The following PLCXD2 variants were observed in gnomAD, a reference collection of about 807,000 sequenced individuals.
PLCXD2 encodes PI-PLC X domain-containing protein 2.
PLCXD2 carries 21 observed loss-of-function variants against 28.6 expected under a neutral mutation model. That is an observed-to-expected ratio of 0.73 (90% CI 0.52 to 1.06). The LOEUF is 1.06. Ranked by LOEUF, PLCXD2 falls within the 50% of genes least tolerant of loss-of-function variation. The pLI, the probability that PLCXD2 is intolerant of heterozygous loss-of-function variation, is 0.00. For missense variants in PLCXD2, 369 were observed against 376.7 expected (o/e 0.98, Z 0.17); for synonymous variants, 140 against 150.1 (o/e 0.93, Z 0.49).
intron 1 of PLCXD2, among the ~76,000 whole-genome samples, chr3:111,700,527 A>T (rs1394330099): frequency 2.0e-5 from 3 of 152,188 alleles, no homozygotes; most frequent in African/African-American, 7.2e-5. Context: ...AGAAGTCTGA[A>T]AACAGTCATT....
intron 1 of PLCXD2, among the ~76,000 whole-genome samples, chr3:111,686,464 A>C (rs745468239): frequency 5.3e-5 from 8 of 152,218 alleles, no homozygotes; most frequent in Non-Finnish European, 7.3e-5. Context: ...AGGCAGTTTG[A>C]TGGTTATTAT....
rs745756251 is a variant in PLCXD2, at chr3:111,708,364, C to G, written c.602C>G (p.Thr201Ser). ...AGTGTGGAAAGTTTGACGCTGCGAACTCTGTGGGAGAAGAACTGCCAGGTA... is the reference window on the plus strand; with the variant it reads ...AGTGTGGAAAGTTTGACGCTGCGAAGTCTGTGGGAGAAGAACTGCCAGGTA... Residue 201 changes from threonine to serine, a missense_variant, in exon 2 of 5, where the codon ACT becomes AGT. Coordinates refer to ENST00000477665, the MANE Select transcript of PLCXD2 (RefSeq NM_001185106.1). The G allele has an allele frequency of 5.6e-6, 9 of 1,613,740 alleles. No homozygotes were observed. The highest frequency in any genetic ancestry group is 1.7e-5 in the Admixed American group (1 of 60,004).
intron 1 of PLCXD2, chr3:111,677,094 A>G (rs1263709927): frequency 6.6e-6 from 1 of 152,102 alleles, no homozygotes; most frequent in African/African-American, 2.4e-5. Flanking sequence ...GCCACCATGG[A>G]GATCATGCAA....
At chr3:111,700,361 A>G (rs1312020071) in intron 1 of PLCXD2, among the ~76,000 whole-genome samples, 1 of 152,240 alleles carries the variant, frequency 6.6e-6, no homozygotes, top group African/African-American at 2.4e-5. Flanking sequence ...AGGATTAGAG[A>G]AAAGTCAATT....
intron 1 of PLCXD2, among the ~76,000 whole-genome samples, chr3:111,704,409 T>C (rs1304192362): frequency 1.3e-5 from 2 of 152,162 alleles, no homozygotes; most frequent in African/African-American, 2.4e-5. Flanking sequence ...ATGAAAGATA[T>C]TTGCTAAAGA....
At chr3:111,694,397 G>A (rs1226405235) in intron 1 of PLCXD2, among the ~76,000 whole-genome samples, 2 of 152,010 alleles carry the variant, frequency 1.3e-5, no homozygotes, top group Admixed American at 6.5e-5. Context: ...GGAGAGTGGT[G>A]ATTAAAAATG....
At chr3:111,675,822 T>C (rs990427726) in intron 1 of PLCXD2, among the ~76,000 whole-genome samples, 1 of 152,220 alleles carries the variant, frequency 6.6e-6, no homozygotes, top group Admixed American at 6.5e-5. Flanking sequence ...ATATTTTATT[T>C]CTCATTTATC....
At chr3:111,678,033 T>C (rs1406981932) in intron 1 of PLCXD2, among the ~76,000 whole-genome samples, 1 of 152,142 alleles carries the variant, frequency 6.6e-6, no homozygotes, top group Non-Finnish European at 1.5e-5. Context: ...GTCAGATCTA[T>C]CAGGATGGTG....
chr3:111,709,576 G>A (rs1459173481), intron 2 of PLCXD2, among the ~76,000 whole-genome samples: 1 of 152,148 alleles, frequency 6.6e-6, no homozygotes, highest in African/African-American at 2.4e-5. Context: ...TCTGTGGGTT[G>A]GAGGATTGGT....
At chr3:111,725,925 G>A (rs1667415381) in intron 3 of PLCXD2, 1 of 398,326 alleles carries the variant, frequency 2.5e-6, no homozygotes, top group African/African-American at 2.1e-5. Flanking sequence ...ACCACAGGAT[G>A]CTGGCAAAGC....
intron 1 of PLCXD2, among the ~76,000 whole-genome samples, chr3:111,702,457 A>G (rs1195207684): frequency 6.6e-6 from 1 of 152,214 alleles, no homozygotes; most frequent in Non-Finnish European, 1.5e-5. Flanking sequence ...TCGTGTGTGG[A>G]GTAAGGCATG....
intron 2 of PLCXD2, among the ~76,000 whole-genome samples, chr3:111,709,061 C>A (rs1941162566): frequency 6.9e-6 from 1 of 145,202 alleles, no homozygotes. Context: ...GAGAAAAGAG[C>A]TTCAGGAAAG....
intron 1 of PLCXD2, among the ~76,000 whole-genome samples, chr3:111,701,978 C>T (rs1559795164): frequency 6.6e-6 from 1 of 151,948 alleles, no homozygotes; most frequent in Non-Finnish European, 1.5e-5. Context: ...CCATTGGAGG[C>T]AGGCCATAGC....
chr3:111,694,073 TG>T (rs1940926591), intron 1 of PLCXD2, among the ~76,000 whole-genome samples: 1 of 152,272 alleles, frequency 6.6e-6, no homozygotes, highest in Admixed American at 6.5e-5. Flanking sequence ...ACTGCAGCTT[TG>T]AAAATTTTCT....
intron 1 of PLCXD2, among the ~76,000 whole-genome samples, chr3:111,683,148 T>C (rs1416373626): frequency 6.6e-6 from 1 of 152,156 alleles, no homozygotes; most frequent in Non-Finnish European, 1.5e-5. Context: ...CCCAATTCTG[T>C]TACTGGTAGT....
chr3:111,679,846 C>T (rs1940686019), intron 1 of PLCXD2, among the ~76,000 whole-genome samples: 1 of 152,166 alleles, frequency 6.6e-6, no homozygotes, highest in South Asian at 2.1e-4. Context: ...AACATCCCTC[C>T]TGCCTTCCTT....
At chr3:111,701,531 C>T (rs367908643) in intron 1 of PLCXD2, among the ~76,000 whole-genome samples, 34 of 152,170 alleles carry the variant, frequency 2.2e-4, no homozygotes, top group African/African-American at 7.2e-4. Context: ...AATTCTAAAC[C>T]CCCAGTGTTG....
At chr3:111,689,415 C>T (rs908166814) in intron 1 of PLCXD2, among the ~76,000 whole-genome samples, 1 of 152,164 alleles carries the variant, frequency 6.6e-6, no homozygotes, top group Non-Finnish European at 1.5e-5. Flanking sequence ...TGTTGTAGAC[C>T]ATAGGGAGCC....
chr3:111,726,192 T>G (rs905593947), intron 3 of PLCXD2: 4 of 245,488 alleles, frequency 1.6e-5, no homozygotes, highest in Non-Finnish European at 3.1e-5. Flanking sequence ...TTTGCAGTTT[T>G]ACATTTGTTA....
Sources: gnomAD v4.1 joint callset for allele counts (sites outside exome capture counted in the v4.1 genomes callset) on GRCh38, gnomAD v4.1.1 for gene constraint, MANE v1.5 for transcripts, NCBI Gene and HGNC (gene_info 2026-07-23, HGNC 2026-07-21) for gene names.